GPR39: variants seen among roughly 807,000 people sequenced by gnomAD.
GPR39 encodes G protein-coupled receptor 39.
GPR39 carries 23 observed loss-of-function variants against 18.4 expected under a neutral mutation model. The ratio of observed to expected loss-of-function variants is 1.25; its 90% confidence interval spans 0.90 to 1.77. The LOEUF is 1.77. GPR39 is among the 40% of genes most tolerant of loss of function. The probability of loss-of-function intolerance (pLI) is 0.00; values close to 1 mark genes in which losing one functional copy is unlikely to be tolerated. For missense variants in GPR39, 647 were observed against 602.4 expected (o/e 1.07, Z -0.78); for synonymous variants, 280 against 257.9 (o/e 1.09, Z -0.82).
intron 1 of GPR39, among the ~76,000 whole-genome samples, chr2:132,466,699 G>T (rs571050015): frequency 3.9e-5 from 6 of 152,164 alleles, no homozygotes; most frequent in Non-Finnish European, 7.4e-5. Context: ...TTAGTTGCTG[G>T]GTGTCCTCTG....
intron 1 of GPR39, among the ~76,000 whole-genome samples, chr2:132,552,821 T>C (rs1269744133): frequency 8.0e-6 from 1 of 125,234 alleles, no homozygotes; most frequent in Non-Finnish European, 1.6e-5. Flanking sequence ...TGTGTGTGTA[T>C]GTATATATAT....
At chr2:132,598,818 G>A (rs1274269828) in intron 1 of GPR39, among the ~76,000 whole-genome samples, 1 of 152,096 alleles carries the variant, frequency 6.6e-6, no homozygotes, top group African/African-American at 2.4e-5. Flanking sequence ...AGGGCCCTGT[G>A]ACCTTATGTG....
At position 132,417,207 on chromosome 2, in the gene GPR39, C is replaced by A. The variant is rs570942380; in HGVS notation, c.165C>A (p.Thr55=). ...LLGNSATIRV[T]QVLQKKGYLQ... is the part of the protein sequence containing the mutation. ...GGAACAGCGCCACCATTCGGGTCACCCAGGTGCTGCAGAAGAAAGGATACT... is the reference window on the plus strand; with the variant it reads ...GGAACAGCGCCACCATTCGGGTCACACAGGTGCTGCAGAAGAAAGGATACT... Residue 55 remains threonine (T), a synonymous_variant, in exon 1 of 2, where the codon ACC becomes ACA. Coordinates refer to ENST00000329321, the MANE Select transcript of GPR39 (RefSeq NM_001508.3). The A allele has an allele frequency of 5.6e-6, 9 of 1,614,114 alleles. No homozygotes were observed. In the South Asian group the frequency reaches 9.9e-5, roughly 18 times the overall value.
At chr2:132,498,880 T>C (rs1681698506) in intron 1 of GPR39, among the ~76,000 whole-genome samples, 1 of 152,202 alleles carries the variant, frequency 6.6e-6, no homozygotes, top group South Asian at 2.1e-4. Context: ...GAATTGTGTG[T>C]TCATGTCTTT....
At chr2:132,493,888 G>T (rs1389187643) in intron 1 of GPR39, among the ~76,000 whole-genome samples, 1 of 152,032 alleles carries the variant, frequency 6.6e-6, no homozygotes, top group East Asian at 1.9e-4. Flanking sequence ...GGAGCAGAGG[G>T]ACCATCAGAG....
At chr2:132,562,155 A>ATT (rs936018990) in intron 1 of GPR39, among the ~76,000 whole-genome samples, 1 of 146,838 alleles carries the variant, frequency 6.8e-6, no homozygotes, top group Non-Finnish European at 1.5e-5. Context: ...CCAGGCATCC[A>ATT]TTTTTTTTTT....
At chr2:132,510,725 C>T (rs887971670) in intron 1 of GPR39, among the ~76,000 whole-genome samples, 5 of 151,980 alleles carry the variant, frequency 3.3e-5, no homozygotes, top group African/African-American at 1.2e-4. Context: ...ACTTTACTGC[C>T]ATAATAGATC....
chr2:132,526,919 C>A, intron 1 of GPR39, among the ~76,000 whole-genome samples: 1 of 152,050 alleles, frequency 6.6e-6, no homozygotes, highest in East Asian at 1.9e-4. Context: ...ATTAATTCTA[C>A]CTACTTTGTT....
At chr2:132,435,888 T>C (rs1680310360) in intron 1 of GPR39, among the ~76,000 whole-genome samples, 1 of 152,156 alleles carries the variant, frequency 6.6e-6, no homozygotes, top group Non-Finnish European at 1.5e-5. Flanking sequence ...ATAGTAAAGA[T>C]GCATGGACAT....
At position 132,646,097 on chromosome 2, in the gene GPR39, AGCCCTGGCCTGAGG is replaced by A. The variant is rs1682059044; in HGVS notation, c.*495_*508del. ...TTTGAGGAACAGGATGGTGGTGCGG[AGCCCTGGCCTGAGG>A]GCCGAGGCAGAACTTCCCCTTTTCT... On this transcript the variant is annotated 3_prime_UTR_variant, in exon 2 of 2. Coordinates refer to ENST00000329321, the MANE Select transcript of GPR39 (RefSeq NM_001508.3). 1 of 1,605,506 alleles carries A rather than the reference AGCCCTGGCCTGAGG, an allele frequency of 6.2e-7. No individual in the cohort carries two copies. Among genetic ancestry groups the A allele is most frequent in the Admixed American group, 1.7e-5 (1 of 59,146 alleles).
intron 1 of GPR39, among the ~76,000 whole-genome samples, chr2:132,471,960 C>G (rs1479722733): frequency 6.6e-6 from 1 of 152,156 alleles, no homozygotes; most frequent in African/African-American, 2.4e-5. Context: ...AATGTTCTTT[C>G]CCATGTGGAA....
In GPR39 at chr2:132,417,308, T is replaced by C. The variant is rs1372303233; in HGVS notation, c.266T>C (p.Met89Thr). ...DILVFLIGMP[M>T]EFYSIIWNPL... ...TTGGTGTTCCTCATCGGCATGCCCATGGAGTTCTACAGCATCATCTGGAAT... is the reference window on the plus strand; with the variant it reads ...TTGGTGTTCCTCATCGGCATGCCCACGGAGTTCTACAGCATCATCTGGAAT... The change falls in exon 1 of 2, where the codon ATG becomes ACG. Residue 89 changes from methionine to threonine, a missense_variant. Physicochemically the swap from Met to Thr is moderately conservative, Grantham distance 81. This residue lies in a region of GPR39 where 581 missense variants were observed against 506.8 expected (regional missense o/e 1.15). Transcript: ENST00000329321. 7 of 1,614,140 alleles carry C rather than the reference T, an allele frequency of 4.3e-6. No homozygotes were observed. Among genetic ancestry groups the C allele is most frequent in the Non-Finnish European group, 5.9e-6 (7 of 1,180,024 alleles).
intron 1 of GPR39, among the ~76,000 whole-genome samples, chr2:132,431,325 G>A (rs1680221039): frequency 6.6e-6 from 1 of 152,206 alleles, no homozygotes; most frequent in Non-Finnish European, 1.5e-5. Context: ...TATTTCAGAT[G>A]TAAGATCCTA....
At chr2:132,535,890 T>C (rs1334431763) in intron 1 of GPR39, among the ~76,000 whole-genome samples, 1 of 151,884 alleles carries the variant, frequency 6.6e-6, no homozygotes, top group Non-Finnish European at 1.5e-5. Flanking sequence ...TAGTTTGTAT[T>C]TCTGTGGGGT....
At chr2:132,520,462 G>A (rs1428812475) in intron 1 of GPR39, among the ~76,000 whole-genome samples, 1 of 152,146 alleles carries the variant, frequency 6.6e-6, no homozygotes, top group Non-Finnish European at 1.5e-5. Flanking sequence ...TGGGGTTTGG[G>A]GAACTGCCTT....
intron 1 of GPR39, among the ~76,000 whole-genome samples, chr2:132,626,430 T>G (rs779913264): frequency 3.9e-5 from 6 of 152,192 alleles, no homozygotes; most frequent in Non-Finnish European, 5.9e-5. Context: ...TGCACTACAG[T>G]GTCCTCTGAC....
chr2:132,492,489 A>G (rs1399921743), intron 1 of GPR39, among the ~76,000 whole-genome samples: 2 of 144,150 alleles, frequency 1.4e-5, no homozygotes, highest in African/African-American at 5.0e-5. Flanking sequence ...CCATATATAT[A>G]CACCATATAT....
chr2:132,618,954 C>T (rs1049679528), intron 1 of GPR39, among the ~76,000 whole-genome samples: 1 of 152,172 alleles, frequency 6.6e-6, no homozygotes, highest in Middle Eastern at 3.2e-3. Context: ...CAGAAATAAA[C>T]GGGAACTGCC....
chr2:132,627,815 C>T (rs760152251), intron 1 of GPR39, among the ~76,000 whole-genome samples: 1 of 152,194 alleles, frequency 6.6e-6, no homozygotes. Flanking sequence ...AGCAGCTGCC[C>T]AGCTGGACAA....
Sources: allele counts gnomAD v4.1 joint callset (sites outside exome capture counted in the v4.1 genomes callset), GRCh38; gene constraint gnomAD v4.1.1; regional missense constraint gnomAD v4.1.1; transcripts MANE v1.5; gene names NCBI Gene and HGNC (gene_info 2026-07-23, HGNC 2026-07-21).